The following OLFML2B variants were observed in gnomAD, a reference collection of about 807,000 sequenced individuals.
OLFML2B encodes the protein olfactomedin-like protein 2B.
In OLFML2B, 57 loss-of-function variants were observed where a neutral mutation model predicts 74.9. The observed-to-expected ratio is 0.76, with a 90% CI of 0.61 to 0.95. The LOEUF is 0.95. OLFML2B is among the 40% of genes least tolerant of loss of function. The probability of loss-of-function intolerance (pLI) is 0.00; values close to 1 mark genes in which losing one functional copy is unlikely to be tolerated. For synonymous variants in OLFML2B, 388 were observed against 405.8 expected (o/e 0.96, Z 0.53); for missense variants, 986 against 970.6 (o/e 1.02, Z -0.21).
intron 1 of OLFML2B, among the ~76,000 whole-genome samples, chr1:162,021,875 T>C (rs1175472348): frequency 6.6e-6 from 1 of 152,018 alleles, no homozygotes; most frequent in Non-Finnish European, 1.5e-5. Flanking sequence ...GTGTGAGAGA[T>C]TTTTATGTCT....
At chr1:161,986,794 C>G (rs1383649356) in intron 6 of OLFML2B, among the ~76,000 whole-genome samples, 1 of 152,244 alleles carries the variant, frequency 6.6e-6, no homozygotes, top group African/African-American at 2.4e-5. Flanking sequence ...GGGCAATCCT[C>G]TGCCCTGGCA....
chr1:161,987,085 C>CA (rs1282009681), intron 6 of OLFML2B, among the ~76,000 whole-genome samples: 1 of 152,228 alleles, frequency 6.6e-6, no homozygotes, highest in African/African-American at 2.4e-5. Flanking sequence ...AGGCTGGGGC[C>CA]AGAGGCCTGG....
chr1:161,993,888 C>G (rs1689814351), intron 6 of OLFML2B, among the ~76,000 whole-genome samples: 1 of 152,238 alleles, frequency 6.6e-6, no homozygotes, highest in Non-Finnish European at 1.5e-5. Context: ...ACTGCTGCCT[C>G]CCTGCACCTT....
chr1:162,007,424 T>C (rs1323851316), intron 3 of OLFML2B, among the ~76,000 whole-genome samples: 1 of 152,170 alleles, frequency 6.6e-6, no homozygotes, highest in African/African-American at 2.4e-5. Flanking sequence ...GCCTTAGAGG[T>C]GCCCCTTTTC....
intron 6 of OLFML2B, among the ~76,000 whole-genome samples, chr1:161,992,309 G>T (rs1309870999): frequency 1.3e-5 from 2 of 152,242 alleles, no homozygotes; most frequent in African/African-American, 4.8e-5. Flanking sequence ...CTCTGGATTA[G>T]GGAATTTTGC....
chr1:162,011,785 T>G (rs1271827222), intron 3 of OLFML2B, among the ~76,000 whole-genome samples: 1 of 152,158 alleles, frequency 6.6e-6, no homozygotes, highest in Non-Finnish European at 1.5e-5. Context: ...AGGCCTCTGG[T>G]GATGAATTTC....
chr1:161,984,926 T>C lies in OLFML2B; in HGVS notation c.1529A>G (p.Tyr510Cys). 6.2e-7 allele frequency: 1 copy of C among 1,612,308 alleles called. No homozygotes were observed. Among genetic ancestry groups the C allele is most frequent in the Non-Finnish European group, 8.5e-7 (1 of 1,179,566 alleles). The change falls in exon 7 of 8, where the codon TAT becomes TGT. Residue 510 changes from tyrosine (Y) to cysteine (C), a missense_variant. Coordinates refer to ENST00000294794, the MANE Select transcript of OLFML2B (RefSeq NM_015441.3). ...TITGPTTQNT[Y>C]GRNEGAWMKD... ...CATCCAGGCCCCTTCATTCCGCCCATATGTGTTCTGGGTGGTCGGCCCCGT... is the reference window on the plus strand; with the variant it reads ...CATCCAGGCCCCTTCATTCCGCCCACATGTGTTCTGGGTGGTCGGCCCCGT...
intron 2 of OLFML2B, 87 bp downstream of exon 2, chr1:162,019,832 C>A: frequency 4.6e-6 from 7 of 1,507,164 alleles, no homozygotes; most frequent in Non-Finnish European, 6.3e-6. Context: ...CTTCAAAGGG[C>A]TTAGAATCTT....
At chr1:162,017,800 A>C (rs1438248120) in intron 2 of OLFML2B, among the ~76,000 whole-genome samples, 1 of 152,238 alleles carries the variant, frequency 6.6e-6, no homozygotes, top group Non-Finnish European at 1.5e-5. Flanking sequence ...GAAATCTGTC[A>C]GTTGCATTGA....
chr1:161,983,884 C>A lies in OLFML2B; in HGVS notation c.2044G>T (p.Val682Leu), dbSNP rs1356352971. 1.2e-6 allele frequency: 2 copies of A among 1,614,228 alleles called. No individual in the cohort carries two copies. The highest frequency in any genetic ancestry group is 1.7e-6 in the Non-Finnish European group (2 of 1,180,046). The stretch of plus-strand genomic sequence containing the variant: ...TTGTAGCTATCCACGGCATACAGCA[C>A]CCCACAGATGACGAAGCAGTTGCCG... ...FYGNCFVICG[V>L]LYAVDSYNQR... Residue 682 changes from valine to leucine, a missense_variant, in exon 8 of 8, where the codon GTG (valine) becomes TTG (leucine). Transcript: ENST00000294794.
At chr1:161,998,423 G>C in intron 5 of OLFML2B, 74 bp from the exon 6 acceptor site, 1 of 1,483,750 alleles carries the variant, frequency 6.7e-7, no homozygotes, top group Non-Finnish European at 9.1e-7. Flanking sequence ...ACATGGCAAT[G>C]AGCAGGTGAA....
chr1:162,001,675 T>C (rs1690083964), intron 4 of OLFML2B, among the ~76,000 whole-genome samples: 1 of 152,248 alleles, frequency 6.6e-6, no homozygotes, highest in Non-Finnish European at 1.5e-5. Flanking sequence ...GTGCTTCTGC[T>C]GTAGCACCTC....
intron 3 of OLFML2B, among the ~76,000 whole-genome samples, chr1:162,009,045 G>A (rs1018672825): frequency 1.4e-4 from 22 of 152,166 alleles, no homozygotes; most frequent in African/African-American, 4.8e-4. Context: ...TTATTAAGGC[G>A]TTCACGTGCT....
intron 3 of OLFML2B, among the ~76,000 whole-genome samples, chr1:162,009,768 A>T (rs1201469970): frequency 6.6e-6 from 1 of 152,088 alleles, no homozygotes; most frequent in Non-Finnish European, 1.5e-5. Flanking sequence ...GGCCACCCCC[A>T]GTCAGCCACC....
At position 162,016,061 on chromosome 1, in the gene OLFML2B, G is replaced by A. The variant is rs543701368; in HGVS notation, c.546+1339C>T. Among the ~76,000 whole-genome samples, 17 of 152,290 alleles carry A rather than the reference G, an allele frequency of 1.1e-4. No homozygotes were observed. In the South Asian group the frequency reaches 1.2e-3, roughly 11 times the overall value. On this transcript the variant is annotated intron_variant, in intron 3 of 7. Transcript: ENST00000294794. Reference sequence around the variant, plus strand: ...GAAAAGGAACTAGTGTTCACTTTCCGGGAAAATTTTAAGGGGTGGAAGGAG... The same window carrying A: ...GAAAAGGAACTAGTGTTCACTTTCCAGGAAAATTTTAAGGGGTGGAAGGAG...
intron 4 of OLFML2B, among the ~76,000 whole-genome samples, chr1:162,003,749 C>T (rs1690143963): frequency 6.6e-6 from 1 of 152,166 alleles, no homozygotes; most frequent in Admixed American, 6.5e-5. Context: ...AACAAATTAA[C>T]ACTCACCATT....
chr1:162,000,864 G>T lies in OLFML2B; in HGVS notation c.724-526C>A, dbSNP rs77977458. 7.2e-5 allele frequency among the ~76,000 whole-genome samples: 11 copies of T among 152,254 alleles called. 1 individual carries two copies. The East Asian group carries it at 2.1e-3, about 29-fold the overall frequency. On this transcript the variant is annotated intron_variant, in intron 4 of 7. Coordinates refer to ENST00000294794, the MANE Select transcript of OLFML2B (RefSeq NM_015441.3). ...AAGCTTGTTACAGCAATCAAAATGG[G>T]CTTCCTAAAACACATATCACCCCCA...
At chr1:161,986,632 A>C (rs1317700209) in intron 6 of OLFML2B, among the ~76,000 whole-genome samples, 1 of 152,194 alleles carries the variant, frequency 6.6e-6, no homozygotes, top group Non-Finnish European at 1.5e-5. Context: ...CAAGACAATA[A>C]AACAGAAAAC....
At chr1:161,991,146 G>A (rs1689731158) in intron 6 of OLFML2B, among the ~76,000 whole-genome samples, 1 of 152,160 alleles carries the variant, frequency 6.6e-6, no homozygotes, top group South Asian at 2.1e-4. Context: ...TCCTGTTAAT[G>A]TTGATATTTT....
Sources: gnomAD v4.1 joint callset for allele counts (sites outside exome capture counted in the v4.1 genomes callset) on GRCh38, gnomAD v4.1.1 for gene constraint, MANE v1.5 for transcripts, NCBI Gene and HGNC (gene_info 2026-07-23, HGNC 2026-07-21) for gene names.